Variants in RAVER1 observed in about 807,000 individuals in gnomAD.
The protein encoded by RAVER1 is ribonucleoprotein PTB-binding 1.
In RAVER1, 36 loss-of-function variants were observed where a neutral mutation model predicts 68.4. That is an observed-to-expected ratio of 0.53 (90% CI 0.40 to 0.70). RAVER1 has a LOEUF of 0.70. Ranked by LOEUF, RAVER1 falls within the 30% of genes least tolerant of loss-of-function variation. The probability of loss-of-function intolerance (pLI) is 0.00; values close to 1 mark genes in which losing one functional copy is unlikely to be tolerated. For synonymous variants in RAVER1, 469 were observed against 472.7 expected (o/e 0.99, Z 0.10); for missense variants, 933 against 1,019.8 (o/e 0.91, Z 1.16).
Position 10,322,761 on chromosome 19 carries a change from T to G in RAVER1, c.1079-22A>C. Reference sequence around the variant, plus strand: ...AGGCCTGGAGGGAGACATAGGAGGATGTGTGGGGGTCCCTGTGTCCTCCCT... The same window carrying G: ...AGGCCTGGAGGGAGACATAGGAGGAGGTGTGGGGGTCCCTGTGTCCTCCCT... On this transcript the variant is annotated intron_variant, in intron 5 of 12. Transcript: ENST00000617231. The surrounding 1 kb of genome is among the most constrained non-coding windows in gnomAD (Gnocchi z 4.3). 1 of 1,369,322 alleles carries G rather than the reference T, an allele frequency of 7.3e-7. No homozygotes were observed. The highest frequency in any genetic ancestry group is 9.7e-7 in the Non-Finnish European group (1 of 1,036,140). The allele number at this position is 1,369,322 out of a possible 1,614,324, so 84.8% of individuals were successfully genotyped here. A position where few individuals can be genotyped will look rare whatever the true frequency, so the allele number is the denominator to read the frequency against.
intron 3 of RAVER1, among the ~76,000 whole-genome samples, chr19:10,326,115 G>T (rs2040473051): frequency 6.6e-6 from 1 of 152,046 alleles, no homozygotes; most frequent in Admixed American, 6.6e-5. Context: ...AATTAGCTGG[G>T]TGTGGTGTCA....
At chr19:10,327,191 A>G (rs961608360) in intron 3 of RAVER1, among the ~76,000 whole-genome samples, 1 of 151,652 alleles carries the variant, frequency 6.6e-6, no homozygotes, top group African/African-American at 2.4e-5. Flanking sequence ...TAAATGGGGC[A>G]CCAATACCCC....
At position 10,317,301 on chromosome 19, in the gene RAVER1, C is replaced by T. The variant is rs2040396878; in HGVS notation, c.*153G>A. The T allele has an allele frequency of 1.2e-6, 1 of 824,758 alleles. No homozygotes were observed. 51.1% of individuals were successfully genotyped at this position (824,758 alleles called of 1,614,324 possible). A position where few individuals can be genotyped will look rare whatever the true frequency, so the allele number is the denominator to read the frequency against. ...CAGACTCCCCCACACCCCTTGGGCT[C>T]CTGGGGCTCCGGCTGATTGGTCAGT... On this transcript the variant is annotated 3_prime_UTR_variant, in exon 13 of 13. Coordinates refer to ENST00000617231, the MANE Select transcript of RAVER1 (RefSeq NM_133452.3). This position sits in a 1 kb window ranked among gnomAD's most constrained non-coding sequence, Gnocchi z 4.3.
Position 10,333,513 on chromosome 19 carries a change from G to A in RAVER1, c.-6C>T, listed in dbSNP as rs1401336874. ...ACGGACACGTCCGCCGCCATCTTGG[G>A]AAACCCGGCGCCTTCTGGGACCAGC... On this transcript the variant is annotated 5_prime_UTR_variant, in exon 1 of 13. Transcript: ENST00000617231. The surrounding 1 kb of genome is among the most constrained non-coding windows in gnomAD (Gnocchi z 4.2). 1 of 1,595,070 alleles carries A rather than the reference G, an allele frequency of 6.3e-7. No homozygotes were observed. The highest frequency in any genetic ancestry group is 1.7e-5 in the Admixed American group (1 of 59,102).
rs963154282 is a variant in RAVER1 at position 10,316,996 on chromosome 19, C to A, written c.*458G>T. On this transcript the variant is annotated 3_prime_UTR_variant, in exon 13 of 13. Transcript: ENST00000617231. ...GAAGGAATCAGAGCTGGGGGCTGTC[C>A]GGGGTGGTTTGAAAAATAAAACTTA... 5.1e-5 allele frequency: 11 copies of A among 217,128 alleles called. No individual in the cohort carries two copies. The highest frequency in any genetic ancestry group is 9.2e-5 in the Non-Finnish European group (10 of 109,202). The allele number at this position is 217,128 out of a possible 1,614,324, so 13.5% of individuals were successfully genotyped here. A position where few individuals can be genotyped will look rare whatever the true frequency, so the allele number is the denominator to read the frequency against.
intron 11 of RAVER1, 145 bp downstream of exon 11, chr19:10,318,084 G>T: frequency 1.5e-6 from 1 of 669,026 alleles, no homozygotes; most frequent in Non-Finnish European, 2.6e-6. Flanking sequence ...ACAATAGGCT[G>T]TTGCTACTCC....
Position 10,321,558 on chromosome 19 carries a change from T to C in RAVER1, c.1234A>G (p.Asn412Asp). Reference protein sequence around the residue: ...GALQPGAQPANPLLGELPAGG... With the variant: ...GALQPGAQPADPLLGELPAGG... ...GCAGGCAGCTCCCCGAGGAGGGGGT[T>C]GGCTGGCTGGGCCCCAGGCTGGAGG... Residue 412 changes from asparagine (N) to aspartate (D), a missense_variant, in exon 7 of 13, where the codon AAC (asparagine) becomes GAC (aspartate). This residue lies in a region of RAVER1 where 699 missense variants were observed against 731.1 expected (regional missense o/e 0.96). Coordinates refer to ENST00000617231, the MANE Select transcript of RAVER1 (RefSeq NM_133452.3). The C allele has an allele frequency of 7.3e-7, 1 of 1,369,728 alleles. No homozygotes were observed. The highest frequency in any genetic ancestry group is 9.5e-7 in the Non-Finnish European group (1 of 1,054,362). 84.8% of individuals were successfully genotyped at this position (1,369,728 alleles called of 1,614,324 possible). A position where few individuals can be genotyped will look rare whatever the true frequency, so the allele number is the denominator to read the frequency against.
chr19:10,319,350 G>T, intron 9 of RAVER1, 110 bp from the exon 10 acceptor site: 2 of 1,140,172 alleles, frequency 1.8e-6, no homozygotes, highest in Non-Finnish European at 2.5e-6. Flanking sequence ...ACCACTCTGG[G>T]ACCAGGAAGA....
At chr19:10,318,124 C>T (rs1328096078) in intron 11 of RAVER1, 105 bp downstream of exon 11, 2 of 1,001,636 alleles carry the variant, frequency 2.0e-6, no homozygotes, top group Non-Finnish European at 2.9e-6. Context: ...CCTGCCACCA[C>T]CCCAGCTTTG....
rs2040538595 is a variant in RAVER1 at position 10,333,328 on chromosome 19, C to G, written c.180G>C (p.Lys60Asn). The G allele has an allele frequency of 6.2e-7, 1 of 1,612,114 alleles. No individual in the cohort carries two copies. Among genetic ancestry groups the G allele is most frequent in the African/African-American group, 1.3e-5 (1 of 74,940 alleles). The change falls in exon 1 of 13, where the codon AAG (lysine) becomes AAC (asparagine). Residue 60 changes from lysine (K) to asparagine (N), a missense_variant. Lys to Asn is a moderately conservative substitution (Grantham distance 94). This residue lies in a region of RAVER1 where 211 missense variants were observed against 230.0 expected (regional missense o/e 0.92). Transcript: ENST00000617231. The surrounding 1 kb of genome is among the most constrained non-coding windows in gnomAD (Gnocchi z 4.2). ...CCCCCGGGAGGCCCCGGATCAGTAT[C>G]TTGCGGCGGTTACGGAACTGGCGCT... ...HTERQFRNRR[K>N]ILIRGLPGDV...
chr19:10,319,415 G>GC (rs1007312119), intron 9 of RAVER1, among the ~76,000 whole-genome samples, 175 bp from the exon 10 acceptor site: 3 of 152,246 alleles, frequency 2.0e-5, no homozygotes, highest in African/African-American at 7.2e-5. Context: ...GAAGGGGGGT[G>GC]CCCCCCATGG....
At chr19:10,319,040 G>C (rs1443942375) in intron 10 of RAVER1, 126 bp downstream of exon 10, 1 of 847,256 alleles carries the variant, frequency 1.2e-6, no homozygotes, top group Non-Finnish European at 1.9e-6. Flanking sequence ...GTGAGATCCT[G>C]TCTTAAAAAA....
chr19:10,325,737 C>T (rs2040469838), intron 3 of RAVER1, among the ~76,000 whole-genome samples: 1 of 151,870 alleles, frequency 6.6e-6, no homozygotes, highest in Admixed American at 6.6e-5. Flanking sequence ...TTCTTGAACC[C>T]AGGAGGTCGA....
chr19:10,321,564 G>C lies in RAVER1; in HGVS notation c.1228C>G (p.Pro410Ala). 1 of 1,374,340 alleles carries C rather than the reference G, an allele frequency of 7.3e-7. No individual in the cohort carries two copies. The highest frequency in any genetic ancestry group is 9.5e-7 in the Non-Finnish European group (1 of 1,056,842). The allele number at this position is 1,374,340 out of a possible 1,614,324, so 85.1% of individuals were successfully genotyped here. A position where few individuals can be genotyped will look rare whatever the true frequency, so the allele number is the denominator to read the frequency against. The change falls in exon 7 of 13, where the codon CCA (proline) becomes GCA (alanine). Residue 410 changes from proline (P) to alanine (A), a missense_variant. This residue lies in a region of RAVER1 where 699 missense variants were observed against 731.1 expected (regional missense o/e 0.96). Transcript: ENST00000617231. ...AGCTCCCCGAGGAGGGGGTTGGCTG[G>C]CTGGGCCCCAGGCTGGAGGGCGCCC... The part of the protein sequence containing the change: ...PLGALQPGAQ[P>A]ANPLLGELPA...
In RAVER1 at chr19:10,316,700, A is replaced by G. The variant is rs573008886; in HGVS notation, c.*754T>C. 11 of 369,398 alleles carry G rather than the reference A, an allele frequency of 3.0e-5. No individual in the cohort carries two copies. In the East Asian group the frequency reaches 9.8e-4, roughly 33 times the overall value. 22.9% of individuals were successfully genotyped at this position (369,398 alleles called of 1,614,324 possible). A position where few individuals can be genotyped will look rare whatever the true frequency, so the allele number is the denominator to read the frequency against. On this transcript the variant is annotated 3_prime_UTR_variant, in exon 13 of 13. Coordinates refer to ENST00000617231, the MANE Select transcript of RAVER1 (RefSeq NM_133452.3). ...TGTCCCCAGGGTGGAGATCCTGGGT[A>G]GGGTGGCCCAATCCCTAGGCCAGAG...
At position 10,322,066 on chromosome 19, in the gene RAVER1, ATC is replaced by A. The variant is rs1335934414; in HGVS notation, c.1174-450_1174-449del. ...TGTCTGTGTGTGTGTGTGCGTGTAT[ATC>A]TGTGTCTTTGTTTCTGTGTGCATGA... is the stretch of plus-strand genomic sequence containing the variant. On this transcript the variant is annotated intron_variant, in intron 6 of 12. Transcript: ENST00000617231. This position sits in a 1 kb window ranked among gnomAD's most constrained non-coding sequence, Gnocchi z 4.3. 6.2e-6 allele frequency: 1 copy of A among 160,760 alleles called. No homozygotes were observed. The highest frequency in any genetic ancestry group is 2.4e-5 in the African/African-American group (1 of 41,668). The allele number at this position is 160,760 out of a possible 1,614,324, so 10.0% of individuals were successfully genotyped here. A position where few individuals can be genotyped will look rare whatever the true frequency, so the allele number is the denominator to read the frequency against.
chr19:10,317,363 G>T lies in RAVER1; in HGVS notation c.*91C>A. ...GAGATTTTTCTATTACCGAAAGAGAGAAAATGGTTTAAAAAAAACACAAAA... is the reference window on the plus strand; with the variant it reads ...GAGATTTTTCTATTACCGAAAGAGATAAAATGGTTTAAAAAAAACACAAAA... On this transcript the variant is annotated 3_prime_UTR_variant, in exon 13 of 13. Transcript: ENST00000617231. The surrounding 1 kb of genome is among the most constrained non-coding windows in gnomAD (Gnocchi z 4.3). 1 of 1,383,116 alleles carries T rather than the reference G, an allele frequency of 7.2e-7. No individual in the cohort carries two copies. Among genetic ancestry groups the T allele is most frequent in the Non-Finnish European group, 1.0e-6 (1 of 978,494 alleles). 85.7% of individuals were successfully genotyped at this position (1,383,116 alleles called of 1,614,324 possible).
chr19:10,319,479 C>A (rs1202270660), intron 9 of RAVER1, among the ~76,000 whole-genome samples: 2 of 152,274 alleles, frequency 1.3e-5, no homozygotes, highest in African/African-American at 4.8e-5. Context: ...TGTGTGGACT[C>A]TTGCAGTTTT....
Position 10,323,266 on chromosome 19 carries a change from A to C in RAVER1, c.957T>G (p.Asn319Lys), listed in dbSNP as rs759826194. The C allele has an allele frequency of 6.2e-7, 1 of 1,613,270 alleles. No homozygotes were observed. Among genetic ancestry groups the C allele is most frequent in the East Asian group, 2.2e-5 (1 of 44,862 alleles). The change falls in exon 5 of 13, where the codon AAT becomes AAG. Residue 319 changes from asparagine to lysine, a missense_variant. Coordinates refer to ENST00000617231, the MANE Select transcript of RAVER1 (RefSeq NM_133452.3). This position sits in a 1 kb window ranked among gnomAD's most constrained non-coding sequence, Gnocchi z 6.2. ...ALIAAQATAL[N>K]RGKGLLPEPN... ...GCTCGGGGAGGAGTCCCTTCCCCCG[A>C]TTGAGGGCCTGCAGGAAGGAACAGA...
Sources: allele counts gnomAD v4.1 joint callset (sites outside exome capture counted in the v4.1 genomes callset), GRCh38; gene constraint gnomAD v4.1.1; regional missense constraint gnomAD v4.1.1; non-coding constraint Gnocchi (gnomAD v3.1); transcripts MANE v1.5; gene names NCBI Gene and HGNC (gene_info 2026-07-23, HGNC 2026-07-21).